SPPL2B: variants seen among roughly 807,000 people sequenced by gnomAD.
SPPL2B encodes signal peptide peptidase like 2B.
SPPL2B carries 39 observed loss-of-function variants against 59.7 expected under a neutral mutation model. The ratio of observed to expected loss-of-function variants is 0.65; its 90% CI spans 0.51 to 0.85. The LOEUF (loss-of-function observed/expected upper bound fraction) is 0.85. SPPL2B is among the 40% of genes least tolerant of loss of function. The probability of loss-of-function intolerance (pLI) is 0.00; values close to 1 mark genes in which losing one functional copy is unlikely to be tolerated. For synonymous variants in SPPL2B, 419 were observed against 370.8 expected, an observed-to-expected ratio of 1.13 and a Z score of -1.49; for missense variants, 865 against 849.0, an observed-to-expected ratio of 1.02 and a Z score of -0.23.
intron 13 of SPPL2B, among the ~76,000 whole-genome samples, chr19:2,349,845 ACG>A (rs200635050): frequency 1.5e-5 from 1 of 68,756 alleles, no homozygotes; most frequent in Admixed American, 1.6e-4. Context: ...ACACACACTC[ACG>A]CTCTCATTCG....
At position 2,332,494 on chromosome 19, in the gene SPPL2B, A is replaced by G. The variant is rs906314401; in HGVS notation, c.67-2108A>G. 1.3e-5 allele frequency among the ~76,000 whole-genome samples: 2 copies of G among 152,178 alleles called. No homozygotes were observed. Among genetic ancestry groups the G allele is most frequent in the Non-Finnish European group, 2.9e-5 (2 of 68,018 alleles). ...TGTCGGCCCGTTTGGTGCGCAGCTC[A>G]GCATCCGTTCAGACATGTGGCTGCC... On this transcript the variant is annotated intron_variant, in intron 1 of 14. Transcript: ENST00000613503. This position sits in a 1 kb window ranked among gnomAD's most constrained non-coding sequence, Gnocchi z 4.6.
At position 2,344,672 on chromosome 19, in the gene SPPL2B, A is replaced by C; in HGVS notation, c.1276+20A>C. On this transcript the variant is annotated intron_variant, in intron 12 of 14. Transcript: ENST00000613503. Reference sequence around the variant, plus strand: ...TGCCAGGTACTGAGGCGGGTGGAGCACACGGGTCCACGCTGTGGGGCAGGG... The same window carrying C: ...TGCCAGGTACTGAGGCGGGTGGAGCCCACGGGTCCACGCTGTGGGGCAGGG... The C allele has an allele frequency of 6.7e-7, 1 of 1,497,274 alleles. No individual in the cohort carries two copies. Among genetic ancestry groups the C allele is most frequent in the Admixed American group, 1.7e-5 (1 of 58,296 alleles). The allele number at this position is 1,497,274 out of a possible 1,614,324, so 92.7% of individuals were successfully genotyped here.
chr19:2,350,607 T>C (rs1049772299), intron 13 of SPPL2B, among the ~76,000 whole-genome samples: 4 of 152,234 alleles, frequency 2.6e-5, no homozygotes, highest in Non-Finnish European at 5.9e-5. Flanking sequence ...AGGTTGAAAA[T>C]ATTTGGGGAA....
chr19:2,353,206 C>T lies in SPPL2B; in HGVS notation c.1776C>T (p.Ala592=), dbSNP rs767470118. 3.8e-6 allele frequency: 6 copies of T among 1,595,700 alleles called. No homozygotes were observed. The Admixed American group carries it at 5.1e-5, about 14-fold the overall frequency. ...CGGTAACCCAGCCTGGCGCCTCGGC[C>T]TAGGGGAGGGGTGAGACGCTCGCTG... is the stretch of plus-strand genomic sequence containing the variant. ...PSPVTQPGAS[A] The change falls in exon 15 of 15, where the codon GCC becomes GCT. Residue 592 remains alanine, a synonymous_variant. Transcript: ENST00000613503.
chr19:2,343,912 G>T, intron 9 of SPPL2B, 53 bp from the exon 10 acceptor site: 1 of 1,376,504 alleles, frequency 7.3e-7, no homozygotes, highest in Non-Finnish European at 1.0e-6. Flanking sequence ...TGAGATGGGA[G>T]TGGGGGAGGC....
chr19:2,349,068 TTC>T (rs1969711294), intron 13 of SPPL2B, among the ~76,000 whole-genome samples: 1 of 99,404 alleles, frequency 1.0e-5, no homozygotes, highest in Non-Finnish European at 2.0e-5. Flanking sequence ...CTTGATTCCG[TTC>T]TCTCCCTCCA....
chr19:2,350,993 A>C (rs1266411727), intron 13 of SPPL2B, among the ~76,000 whole-genome samples: 1 of 152,242 alleles, frequency 6.6e-6, no homozygotes, highest in Non-Finnish European at 1.5e-5. Flanking sequence ...TCCTGAGAAC[A>C]TAGTTTATAT....
Position 2,350,783 on chromosome 19 carries a change from A to G in SPPL2B, c.1355-651A>G, listed in dbSNP as rs571975485. Among the ~76,000 whole-genome samples, 32 of 152,346 alleles carry G rather than the reference A, an allele frequency of 2.1e-4. No individual in the cohort carries two copies. The East Asian group carries it at 6.2e-3, about 29-fold the overall frequency. Reference sequence around the variant, plus strand: ...GGACGCGGGTGGGTTCTAGGCAGACACTGCACCAGTTTACGTCAGGGACAT... The same window carrying G: ...GGACGCGGGTGGGTTCTAGGCAGACGCTGCACCAGTTTACGTCAGGGACAT... On this transcript the variant is annotated intron_variant, in intron 13 of 14. Transcript: ENST00000613503.
chr19:2,333,604 G>A (rs1040274448), intron 1 of SPPL2B, among the ~76,000 whole-genome samples: 1 of 152,238 alleles, frequency 6.6e-6, no homozygotes, highest in African/African-American at 2.4e-5. Context: ...TTTGGGGCCT[G>A]GTCCTGCCCC....
intron 5 of SPPL2B, among the ~76,000 whole-genome samples, chr19:2,339,497 C>A (rs562046624): frequency 6.6e-6 from 1 of 152,198 alleles, no homozygotes; most frequent in Admixed American, 6.5e-5. Context: ...CAGCTACCCT[C>A]TTCCTGCTGA....
At chr19:2,331,064 C>G (rs1968263184) in intron 1 of SPPL2B, among the ~76,000 whole-genome samples, 1 of 152,204 alleles carries the variant, frequency 6.6e-6, no homozygotes, top group Non-Finnish European at 1.5e-5. Flanking sequence ...TGCTACCATT[C>G]TGTGACCCTG....
chr19:2,352,267 C>T (rs1969969877), intron 14 of SPPL2B, among the ~76,000 whole-genome samples: 1 of 152,172 alleles, frequency 6.6e-6, no homozygotes, highest in Admixed American at 6.5e-5. Context: ...GCCCCCGCCC[C>T]TCCGGGCAGC....
chr19:2,348,902 TCA>T (rs1431957110), intron 13 of SPPL2B, among the ~76,000 whole-genome samples: 2 of 88,242 alleles, frequency 2.3e-5, no homozygotes, highest in South Asian at 3.9e-4. Flanking sequence ...CCACACACAC[TCA>T]CGCGCTCTCA....
chr19:2,339,786 C>T (rs1277546709), intron 5 of SPPL2B, 38 bp from the exon 6 acceptor site: 18 of 1,590,936 alleles, frequency 1.1e-5, no homozygotes, highest in Admixed American at 1.8e-5. Flanking sequence ...GTCGGCCAGC[C>T]GGCCCCAGGG....
At position 2,338,760 on chromosome 19, in the gene SPPL2B, G is replaced by A. The variant is rs367933685; in HGVS notation, c.378G>A (p.Pro126=). 2.1e-5 allele frequency: 34 copies of A among 1,611,780 alleles called. No individual in the cohort carries two copies. Among genetic ancestry groups the A allele is most frequent in the African/African-American group, 5.3e-5 (4 of 74,872 alleles). ...CTCCTCTGGGCCCCCAGGTCCCCCCGGGGGGTAATAAGACGCAGTATGATG... is the reference window on the plus strand; with the variant it reads ...CTCCTCTGGGCCCCCAGGTCCCCCCAGGGGGTAATAAGACGCAGTATGATG... ...LIVSRERLVP[P]GGNKTQYDEI... The change falls in exon 4 of 15, where the codon CCG becomes CCA. Residue 126 remains proline (P), a synonymous_variant. Transcript: ENST00000613503.
At chr19:2,348,168 ACACACT>A (rs1231702832) in intron 13 of SPPL2B, among the ~76,000 whole-genome samples, 1 of 6,890 alleles carries the variant, frequency 1.5e-4, no homozygotes, top group Non-Finnish European at 2.2e-4. Flanking sequence ...CTCTCTCCAC[ACACACT>A]CGCGCTCTCA....
intron 2 of SPPL2B, among the ~76,000 whole-genome samples, chr19:2,336,225 A>T (rs1968601222): frequency 6.6e-6 from 1 of 152,082 alleles, no homozygotes; most frequent in Admixed American, 6.6e-5. Context: ...TTTTATGTGC[A>T]CATGTGCCTG....
At chr19:2,336,913 G>GTGTA (rs1343376203) in intron 2 of SPPL2B, among the ~76,000 whole-genome samples, 2 of 148,318 alleles carry the variant, frequency 1.3e-5, no homozygotes. Context: ...GTGTGTGTGT[G>GTGTA]TGCATGTATG....
At chr19:2,345,373 G>T in intron 13 of SPPL2B, 43 bp downstream of exon 13, 1 of 1,553,204 alleles carries the variant, frequency 6.4e-7, no homozygotes, top group Non-Finnish European at 8.9e-7. Flanking sequence ...TCTGGCTCCA[G>T]CCCCACCCCG....
Sources: gnomAD v4.1 joint callset for allele counts (sites outside exome capture counted in the v4.1 genomes callset) on GRCh38, gnomAD v4.1.1 for gene constraint, Gnocchi (gnomAD v3.1) non-coding constraint, MANE v1.5 for transcripts, NCBI Gene and HGNC (gene_info 2026-07-23, HGNC 2026-07-21) for gene names.